The following NABP1 variants were observed in gnomAD, a reference collection of about 807,000 sequenced individuals.
The protein encoded by NABP1 is SOSS complex subunit B2.
In NABP1, 18 loss-of-function variants were observed where a neutral mutation model predicts 25.0. That is an observed-to-expected ratio of 0.72 (90% CI 0.50 to 1.07). The LOEUF (loss-of-function observed/expected upper bound fraction) is 1.07. Among genes scored for constraint, NABP1 ranks in the 50% least tolerant of loss-of-function variants. NABP1 has a pLI of 0.00. For synonymous variants in NABP1, 71 were observed against 85.0 expected, an observed-to-expected ratio of 0.84 and a Z score of 0.91; for missense variants, 270 against 255.6, an observed-to-expected ratio of 1.06 and a Z score of -0.39.
At chr2:191,679,752 A>G (rs1233603061) in intron 2 of NABP1, among the ~76,000 whole-genome samples, 1 of 152,050 alleles carries the variant, frequency 6.6e-6, no homozygotes, top group Non-Finnish European at 1.5e-5. Flanking sequence ...CTTTTTTATA[A>G]GTTGTTTTCT....
chr2:191,683,831 T>C lies in NABP1; in HGVS notation c.378+27T>C, dbSNP rs1183121669. On this transcript the variant is annotated intron_variant, in intron 4 of 5. Transcript: ENST00000425611. The surrounding 1 kb of genome is among the most constrained non-coding windows in gnomAD (Gnocchi z 4.1). ...TAATTGTGTAGTATACTTTTATGAT[T>C]AGGCTAATTTTGACTGTGTTATAAT... The C allele has an allele frequency of 6.5e-7, 1 of 1,532,708 alleles. No homozygotes were observed. Among genetic ancestry groups the C allele is most frequent in the Non-Finnish European group, 8.9e-7 (1 of 1,118,666 alleles). The allele number at this position is 1,532,708 out of a possible 1,614,324, so 94.9% of individuals were successfully genotyped here.
In NABP1 at chr2:191,683,588, T is replaced by G. The variant is rs2105646306; in HGVS notation, c.303-141T>G. 1 of 626,326 alleles carries G rather than the reference T, an allele frequency of 1.6e-6. No individual in the cohort carries two copies. Among genetic ancestry groups the G allele is most frequent in the Admixed American group, 3.1e-5 (1 of 32,474 alleles). 38.8% of individuals were successfully genotyped at this position (626,326 alleles called of 1,614,324 possible). ...TGGGACATAATCATTTGGGAAGTTTTTGTTGTAAATGAAGAGTTAGTTTGT... is the reference window on the plus strand; with the variant it reads ...TGGGACATAATCATTTGGGAAGTTTGTGTTGTAAATGAAGAGTTAGTTTGT... On this transcript the variant is annotated intron_variant, in intron 3 of 5. Transcript: ENST00000425611. This position sits in a 1 kb window ranked among gnomAD's most constrained non-coding sequence, Gnocchi z 4.1.
At position 191,678,785 on chromosome 2, in the gene NABP1, C is replaced by T. The variant is rs191533452; in HGVS notation, c.91+80C>T. On this transcript the variant is annotated intron_variant, in intron 1 of 5. Coordinates refer to ENST00000425611, the MANE Select transcript of NABP1 (RefSeq NM_001031716.5). ...ACAGGGGCGCCGGCCGCTGCGCGCCCGGGGCTCCCCTCCTCCTCCCTCCCC... is the reference window on the plus strand; with the variant it reads ...ACAGGGGCGCCGGCCGCTGCGCGCCTGGGGCTCCCCTCCTCCTCCCTCCCC... The T allele has an allele frequency of 3.2e-4, 441 of 1,379,352 alleles. 1 individual carries two copies. The highest frequency in any genetic ancestry group is 4.2e-4 in the Non-Finnish European group (419 of 995,980). 85.4% of individuals were successfully genotyped at this position (1,379,352 alleles called of 1,614,324 possible).
chr2:191,684,832 C>G (rs1228190826), intron 5 of NABP1: 2 of 152,410 alleles, frequency 1.3e-5, no homozygotes, highest in African/African-American at 4.8e-5. Flanking sequence ...GATTAGAGTT[C>G]ATTAGGATGG....
In NABP1 at chr2:191,682,462, C is replaced by T. The variant is rs13400298; in HGVS notation, c.302+445C>T. The T allele has an allele frequency of 7.7e-3, 3,617 of 468,142 alleles. 127 individuals are homozygous for T. The highest frequency in any genetic ancestry group is 0.066 in the African/African-American group (3,285 of 50,024). 29.0% of individuals were successfully genotyped at this position (468,142 alleles called of 1,614,324 possible). A position where few individuals can be genotyped will look rare whatever the true frequency, so the allele number is the denominator to read the frequency against. The stretch of plus-strand genomic sequence containing the variant: ...TCATGTTAAAAAGGACTTGCAGCAA[C>T]GAAAACTGAAGTCCTCTATTTATCC... On this transcript the variant is annotated intron_variant, in intron 3 of 5. Coordinates refer to ENST00000425611, the MANE Select transcript of NABP1 (RefSeq NM_001031716.5).
rs1280888904 is a variant in NABP1 at position 191,678,704 on chromosome 2, A to G, written c.90A>G (p.Ile30Met). 1 of 1,612,424 alleles carries G rather than the reference A, an allele frequency of 6.2e-7. No homozygotes were observed. Among genetic ancestry groups the G allele is most frequent in the Non-Finnish European group, 8.5e-7 (1 of 1,179,164 alleles). Reference protein sequence around the residue: ...NLNVVFIVLEIGRVTKTKDGH... With the variant: ...NLNVVFIVLEMGRVTKTKDGH... ...ATGTCGTCTTTATTGTCCTGGAGATAGGTAAGTGGGGTTTGCAGCCTACTC... is the reference window on the plus strand; with the variant it reads ...ATGTCGTCTTTATTGTCCTGGAGATGGGTAAGTGGGGTTTGCAGCCTACTC... Residue 30 changes from isoleucine (I) to methionine (M), a missense_variant and splice_region_variant, in exon 1 of 6, where the codon ATA becomes ATG. Physicochemically the swap from Ile to Met is conservative, Grantham distance 10. Coordinates refer to ENST00000425611, the MANE Select transcript of NABP1 (RefSeq NM_001031716.5).
In NABP1 at chr2:191,683,513, C is replaced by CA. The variant is rs1687738625; in HGVS notation, c.303-212dup. On this transcript the variant is annotated intron_variant, in intron 3 of 5. Transcript: ENST00000425611. This position sits in a 1 kb window ranked among gnomAD's most constrained non-coding sequence, Gnocchi z 4.1. The stretch of plus-strand genomic sequence containing the variant: ...TCAGCACTAAAGAAGAATTTAAATA[C>CA]AAAATAGAATGTTATATATCTTGTA... 4.8e-6 allele frequency: 2 copies of CA among 418,560 alleles called. No individual in the cohort carries two copies. The highest frequency in any genetic ancestry group is 8.4e-6 in the Non-Finnish European group (2 of 236,952). 25.9% of individuals were successfully genotyped at this position (418,560 alleles called of 1,614,324 possible).
intron 2 of NABP1, among the ~76,000 whole-genome samples, chr2:191,680,277 T>C (rs754836110): frequency 2.6e-5 from 4 of 152,170 alleles, no homozygotes; most frequent in Non-Finnish European, 4.4e-5. Context: ...GAGATTGATG[T>C]TGGCCTAATA....
chr2:191,683,548 A>G lies in NABP1; in HGVS notation c.303-181A>G. 3 of 567,786 alleles carry G rather than the reference A, an allele frequency of 5.3e-6. No individual in the cohort carries two copies. In the South Asian group the frequency reaches 6.4e-5, roughly 12 times the overall value. 35.2% of individuals were successfully genotyped at this position (567,786 alleles called of 1,614,324 possible). Reference sequence around the variant, plus strand: ...TGTTATATATCTTGTAGACAGTCAAATATTTGATGTTTTATGGGACATAAT... The same window carrying G: ...TGTTATATATCTTGTAGACAGTCAAGTATTTGATGTTTTATGGGACATAAT... On this transcript the variant is annotated intron_variant, in intron 3 of 5. Coordinates refer to ENST00000425611, the MANE Select transcript of NABP1 (RefSeq NM_001031716.5). The surrounding 1 kb of genome is among the most constrained non-coding windows in gnomAD (Gnocchi z 4.1).
intron 2 of NABP1, among the ~76,000 whole-genome samples, chr2:191,679,390 T>A (rs1167542741): frequency 6.6e-6 from 1 of 152,178 alleles, no homozygotes; most frequent in Non-Finnish European, 1.5e-5. Context: ...ATTATTATTA[T>A]TTTTTGGGAC....
At chr2:191,682,373 A>G (rs747427637) in intron 3 of NABP1, 7 of 371,638 alleles carry the variant, frequency 1.9e-5, no homozygotes, top group Non-Finnish European at 3.8e-5. Flanking sequence ...GAAGCTAGTG[A>G]TTCACCAAGT....
intron 3 of NABP1, chr2:191,682,441 G>A: frequency 2.1e-6 from 1 of 465,128 alleles, no homozygotes; most frequent in South Asian, 1.6e-5. Flanking sequence ...ATGTACTCAT[G>A]TTAAAAAGGA....
rs373316977 is a variant in NABP1, at chr2:191,685,682, C to T, written c.529C>T (p.Pro177Ser). 1.2e-6 allele frequency: 2 copies of T among 1,613,848 alleles called. No homozygotes were observed. Among genetic ancestry groups the T allele is most frequent in the Non-Finnish European group, 1.7e-6 (2 of 1,179,952 alleles). The change falls in exon 6 of 6, where the codon CCA becomes TCA. Residue 177 changes from proline to serine, a missense_variant. Physicochemically the swap from Pro to Ser is moderately conservative, Grantham distance 74. Transcript: ENST00000425611. ...GRSNGRGLIN[P>S]QLQGTASNQT... is the part of the protein sequence containing the mutation. Reference sequence around the variant, plus strand: ...AAGCAATGGCCGGGGACTTATAAATCCACAACTACAAGGAACAGCTAGTAA... The same window carrying T: ...AAGCAATGGCCGGGGACTTATAAATTCACAACTACAAGGAACAGCTAGTAA...
rs1687592534 is a variant in NABP1 at position 191,679,074 on chromosome 2, G to A, written c.176G>A (p.Trp59Ter). 1.9e-6 allele frequency: 3 copies of A among 1,614,204 alleles called. No homozygotes were observed. The highest frequency in any genetic ancestry group is 2.5e-6 in the Non-Finnish European group (3 of 1,180,036). Residue 59 changes from tryptophan to a stop codon, truncating the protein, a stop_gained, in exon 2 of 6, where the codon TGG becomes TAG. Transcript: ENST00000425611. LOFTEE classifies it high-confidence loss of function. Reference sequence around the variant, plus strand: ...ACGGGCAGCATCACTATTTCCGTGTGGGATGAGATCGGAGGTCTTATACAG... The same window carrying A: ...ACGGGCAGCATCACTATTTCCGTGTAGGATGAGATCGGAGGTCTTATACAG... ...DKTGSITISVWDEIGGLIQPG... is the reference protein window; with the variant it reads ...DKTGSITISV
intron 3 of NABP1, chr2:191,682,649 T>C (rs1044436252): frequency 9.0e-5 from 41 of 456,618 alleles, no homozygotes; most frequent in African/African-American, 7.9e-4. Context: ...TAAAGTATGG[T>C]ACAGGCAATG....
rs1687698674 is a variant in NABP1, at chr2:191,681,946, G to A, written c.231G>A (p.Gly77=). The change falls in exon 3 of 6, where the codon GGG becomes GGA. Residue 77 remains glycine, a splice_region_variant and synonymous_variant. Transcript: ENST00000425611. Reference sequence around the variant, plus strand: ...GAATTAATGTTTCTTTTCTCTCTAGGTATGCATCCATGTGGAAAGGATGTC... The same window carrying A: ...GAATTAATGTTTCTTTTCTCTCTAGATATGCATCCATGTGGAAAGGATGTC... ...QPGDIIRLTR[G]YASMWKGCLT... 6.6e-7 allele frequency: 1 copy of A among 1,511,212 alleles called. No homozygotes were observed. The highest frequency in any genetic ancestry group is 8.8e-7 in the Non-Finnish European group (1 of 1,131,556). The allele number at this position is 1,511,212 out of a possible 1,614,324, so 93.6% of individuals were successfully genotyped here.
intron 2 of NABP1, among the ~76,000 whole-genome samples, chr2:191,679,603 C>T (rs573578855): frequency 1.3e-5 from 2 of 152,050 alleles, no homozygotes; most frequent in African/African-American, 4.8e-5. Flanking sequence ...TCTCCAACTC[C>T]TGACCTCAAG....
intron 4 of NABP1, 112 bp from the exon 5 acceptor site, chr2:191,684,115 TAAA>T (rs372983331): frequency 8.6e-4 from 414 of 484,030 alleles, no homozygotes; most frequent in South Asian, 1.5e-3. Context: ...ATTTGTTAAT[TAAA>T]AAAAAAAAAA....
chr2:191,685,072 C>A lies in NABP1; in HGVS notation c.446-527C>A, dbSNP rs531419194. On this transcript the variant is annotated intron_variant, in intron 5 of 5. Coordinates refer to ENST00000425611, the MANE Select transcript of NABP1 (RefSeq NM_001031716.5). The stretch of plus-strand genomic sequence containing the variant: ...TTCACCATATGGGCCAGGCTAGTCT[C>A]GAACTCCTGACCTCAAATGATCCAC... 3 of 152,870 alleles carry A rather than the reference C, an allele frequency of 2.0e-5. No homozygotes were observed. The East Asian group carries it at 5.8e-4, about 29-fold the overall frequency. The allele number at this position is 152,870 out of a possible 1,614,324, so 9.5% of individuals were successfully genotyped here.
Sources: allele counts gnomAD v4.1 joint callset (sites outside exome capture counted in the v4.1 genomes callset), GRCh38; gene constraint gnomAD v4.1.1; non-coding constraint Gnocchi (gnomAD v3.1); transcripts MANE v1.5; gene names NCBI Gene and HGNC (gene_info 2026-07-23, HGNC 2026-07-21).